The following CNNM1 variants were observed in gnomAD, a reference collection of about 807,000 sequenced individuals.
The protein encoded by CNNM1 is metal transporter CNNM1.
In CNNM1, 44 loss-of-function variants were observed where a neutral mutation model predicts 78.8. The observed-to-expected ratio is 0.56, with a 90% CI of 0.44 to 0.72. The LOEUF is 0.72. Ranked by LOEUF, CNNM1 falls within the 30% of genes least tolerant of loss-of-function variation. The pLI, the probability that CNNM1 is intolerant of heterozygous loss-of-function variation, is 0.00. For missense variants in CNNM1, 1,101 were observed against 1,292.2 expected (o/e 0.85, Z 2.27); for synonymous variants, 584 against 581.5 (o/e 1.00, Z -0.06).
intron 1 of CNNM1, among the ~76,000 whole-genome samples, chr10:99,354,190 A>G (rs1304167721): frequency 6.6e-6 from 1 of 152,204 alleles, no homozygotes; most frequent in Non-Finnish European, 1.5e-5. Context: ...AGGTGCCATA[A>G]GTTAAGAAAA....
chr10:99,389,981 A>C (rs1209158719), intron 9 of CNNM1, among the ~76,000 whole-genome samples: 3 of 152,170 alleles, frequency 2.0e-5, no homozygotes, highest in Non-Finnish European at 4.4e-5. Context: ...TGGCAAATAG[A>C]CTGGGTGGAG....
chr10:99,387,812 C>T lies in CNNM1; in HGVS notation c.2341-8C>T, dbSNP rs369914530. ...GCTGCTCCTAAGCTCCTGCCCTCTT[C>T]CTTCCAGATCACACGGCAGCAATAT... On this transcript the variant is annotated splice_polypyrimidine_tract_variant and splice_region_variant and intron_variant, in intron 7 of 10. Transcript: ENST00000356713. 642 of 1,585,334 alleles carry T rather than the reference C, an allele frequency of 4.0e-4. No homozygotes were observed. Among genetic ancestry groups the T allele is most frequent in the Non-Finnish European group, 5.2e-4 (608 of 1,165,784 alleles).
intron 1 of CNNM1, among the ~76,000 whole-genome samples, chr10:99,356,563 A>AGACAGACAGAAAGAAAGAAAAGAAAAG (rs2031188732): frequency 1.5e-5 from 1 of 68,230 alleles, no homozygotes; most frequent in African/African-American, 4.8e-5. Flanking sequence ...ACAGACAGAC[A>AGACAGACAGAAAGAAAGAAAAGAAAAG]GAAAGAAAGA....
intron 4 of CNNM1, among the ~76,000 whole-genome samples, chr10:99,362,687 T>C (rs1341070077): frequency 6.6e-6 from 1 of 152,210 alleles, no homozygotes; most frequent in Non-Finnish European, 1.5e-5. Flanking sequence ...CCAGAACTGC[T>C]GCTCTGCGGA....
Position 99,330,389 on chromosome 10 carries a change from G to T in CNNM1, c.1002G>T (p.Ala334=). Residue 334 remains alanine, a synonymous_variant, in exon 1 of 11, where the codon GCG becomes GCT. Transcript: ENST00000356713. ...TGCCGGCGCTCGTGTGCACCGGCGC[G>T]GTATTCCTGGGCGCCGAAATCTGCC... The part of the protein sequence containing the change: ...PWLPALVCTG[A]VFLGAEICPY... 6.3e-7 allele frequency: 1 copy of T among 1,594,000 alleles called. No homozygotes were observed.
intron 1 of CNNM1, among the ~76,000 whole-genome samples, chr10:99,355,365 G>GTA (rs1455432128): frequency 2.6e-5 from 4 of 152,138 alleles, no homozygotes; most frequent in African/African-American, 9.7e-5. Flanking sequence ...CATGGCACAT[G>GTA]TATACATGTG....
chr10:99,389,183 A>C (rs577777601), intron 9 of CNNM1, among the ~76,000 whole-genome samples: 11 of 152,170 alleles, frequency 7.2e-5, no homozygotes, highest in Non-Finnish European at 1.5e-4. Flanking sequence ...TGGGAGGCCC[A>C]GGCAGGCGGA....
chr10:99,387,867 C>T lies in CNNM1; in HGVS notation c.2388C>T (p.Asp796=), dbSNP rs1218804482. 45 of 1,612,838 alleles carry T rather than the reference C, an allele frequency of 2.8e-5. No individual in the cohort carries two copies. Among genetic ancestry groups the T allele is most frequent in the Non-Finnish European group, 3.6e-5 (43 of 1,179,416 alleles). Residue 796 remains aspartate, a synonymous_variant, in exon 8 of 11, where the codon GAC becomes GAT. Transcript: ENST00000356713. ...ACGCACTCACTGCCTGCCACATGGA[C>T]AGCTCACCTCAGTCCCCTGACATGG... ...YQNALTACHM[D]SSPQSPDMEA... is the part of the protein sequence containing the mutation.
At chr10:99,342,691 CA>C (rs920906340) in intron 1 of CNNM1, among the ~76,000 whole-genome samples, 3 of 151,774 alleles carry the variant, frequency 2.0e-5, no homozygotes, top group African/African-American at 7.3e-5. Context: ...ACAACAACAA[CA>C]AAAATCTAGT....
At chr10:99,360,509 TG>T (rs1564949586) in intron 2 of CNNM1, among the ~76,000 whole-genome samples, 1 of 152,162 alleles carries the variant, frequency 6.6e-6, no homozygotes, top group East Asian at 1.9e-4. Flanking sequence ...TTAGCCTCCT[TG>T]TACAGATTAA....
At chr10:99,389,055 G>A (rs2032391578) in intron 9 of CNNM1, among the ~76,000 whole-genome samples, 1 of 152,274 alleles carries the variant, frequency 6.6e-6, no homozygotes, top group Middle Eastern at 3.4e-3. Context: ...CGACCTGTCA[G>A]ACCTACTTCA....
At chr10:99,387,712 C>G (rs901263956) in intron 7 of CNNM1, 108 bp from the exon 8 acceptor site, 2 of 1,142,454 alleles carry the variant, frequency 1.8e-6, no homozygotes, top group Non-Finnish European at 2.4e-6. Context: ...CCTCAGAGGC[C>G]GAGGGTTCCA....
intron 1 of CNNM1, among the ~76,000 whole-genome samples, chr10:99,339,240 T>C (rs1001195771): frequency 2.5e-4 from 38 of 152,216 alleles, no homozygotes; most frequent in African/African-American, 9.2e-4. Context: ...TGCTTATTCA[T>C]TGATTCATTC....
chr10:99,380,611 C>G (rs983893695), intron 7 of CNNM1, among the ~76,000 whole-genome samples: 3 of 151,694 alleles, frequency 2.0e-5, no homozygotes, highest in African/African-American at 7.3e-5. Flanking sequence ...GACAACATGG[C>G]GAAACCCCGT....
intron 1 of CNNM1, among the ~76,000 whole-genome samples, chr10:99,336,886 G>C (rs981543280): frequency 1.6e-4 from 25 of 152,094 alleles, no homozygotes; most frequent in African/African-American, 6.0e-4. Context: ...GGAGGTTGCA[G>C]TAAGCCAAGA....
At chr10:99,333,453 T>C (rs1419558680) in intron 1 of CNNM1, among the ~76,000 whole-genome samples, 1 of 152,216 alleles carries the variant, frequency 6.6e-6, no homozygotes, top group African/African-American at 2.4e-5. Flanking sequence ...CAAGTGATTC[T>C]TCTGCCTCAG....
At chr10:99,377,332 G>C (rs895464874) in intron 7 of CNNM1, 114 bp downstream of exon 7, 15 of 1,015,702 alleles carry the variant, frequency 1.5e-5, no homozygotes, top group Non-Finnish European at 2.2e-5. Flanking sequence ...ATTCCCCTGT[G>C]TTCCAATACA....
intron 1 of CNNM1, among the ~76,000 whole-genome samples, chr10:99,355,663 A>T (rs2031116568): frequency 6.6e-6 from 1 of 152,220 alleles, no homozygotes; most frequent in Non-Finnish European, 1.5e-5. Context: ...TTAGTACTGA[A>T]CTTAGTTACC....
chr10:99,353,307 C>T (rs1231524860), intron 1 of CNNM1, among the ~76,000 whole-genome samples: 2 of 149,872 alleles, frequency 1.3e-5, no homozygotes, highest in Non-Finnish European at 3.0e-5. Context: ...ATTACCCTCA[C>T]GGGTGGGGGT....
Sources: allele counts gnomAD v4.1 joint callset (sites outside exome capture counted in the v4.1 genomes callset), GRCh38; gene constraint gnomAD v4.1.1; transcripts MANE v1.5; gene names NCBI Gene and HGNC (gene_info 2026-07-23, HGNC 2026-07-21).